Variants in RNF220 observed in about 807,000 individuals in gnomAD.
RNF220 encodes ring finger protein 220, also known as E3 ubiquitin-protein ligase RNF220.
A neutral mutation model predicts 67.1 loss-of-function variants in RNF220; 7 were observed. That is an observed-to-expected ratio of 0.10 (90% CI 0.06 to 0.20). The LOEUF is 0.20. RNF220 is among the 10% of genes least tolerant of loss of function. The pLI is 1.00. For missense variants in RNF220, 565 were observed against 740.3 expected, an observed-to-expected ratio of 0.76 and a Z score of 2.75; for synonymous variants, 270 against 283.2, an observed-to-expected ratio of 0.95 and a Z score of 0.47.
intron 2 of RNF220, among the ~76,000 whole-genome samples, chr1:44,576,418 C>A (rs562269561): frequency 2.0e-5 from 3 of 152,258 alleles, no homozygotes; most frequent in South Asian, 2.1e-4. Flanking sequence ...AGTTTGGCTG[C>A]GGGACCAGAT....
At chr1:44,463,935 GGAA>G (rs757433250) in intron 2 of RNF220, among the ~76,000 whole-genome samples, 10 of 152,200 alleles carry the variant, frequency 6.6e-5, no homozygotes, top group Non-Finnish European at 1.2e-4. Flanking sequence ...GAAGAGGAGA[GGAA>G]GAAGGTCACA....
intron 2 of RNF220, among the ~76,000 whole-genome samples, chr1:44,449,518 A>G (rs1652451236): frequency 6.6e-6 from 1 of 151,732 alleles, no homozygotes; most frequent in African/African-American, 2.4e-5. Context: ...GGCTCTGGTG[A>G]TCCACCTACC....
rs375925031 is a variant in RNF220 at position 44,411,556 on chromosome 1, G to A, written c.-117-425G>A. On this transcript the variant is annotated intron_variant, in intron 1 of 14. Coordinates refer to ENST00000361799, the MANE Select transcript of RNF220 (RefSeq NM_018150.4). ...AGAGAGGATGCATATGTGGGGAATC[G>A]TATAGGTAGAATGTGGTCTCTGAAC... Among the ~76,000 whole-genome samples the A allele has an allele frequency of 4.6e-5, 7 of 152,078 alleles. No homozygotes were observed. In the East Asian group the frequency reaches 7.7e-4, roughly 17 times the overall value.
intron 2 of RNF220, among the ~76,000 whole-genome samples, chr1:44,430,343 A>G (rs1171655428): frequency 6.6e-6 from 1 of 152,054 alleles, no homozygotes; most frequent in East Asian, 1.9e-4. Flanking sequence ...GGAAAAGGAT[A>G]TTAGGAAAAA....
chr1:44,645,299 A>G lies in RNF220; in HGVS notation c.1366+23A>G. 2 of 1,613,742 alleles carry G rather than the reference A, an allele frequency of 1.2e-6. No homozygotes were observed. On this transcript the variant is annotated intron_variant, in intron 11 of 14. Coordinates refer to ENST00000361799, the MANE Select transcript of RNF220 (RefSeq NM_018150.4). The surrounding 1 kb of genome is among the most constrained non-coding windows in gnomAD (Gnocchi z 5.0). ...ATGGTAAGTCCTGCCCCAGGTTAGGAGTAATGGGGGAGAGGGGGTATCCCT... is the reference window on the plus strand; with the variant it reads ...ATGGTAAGTCCTGCCCCAGGTTAGGGGTAATGGGGGAGAGGGGGTATCCCT...
intron 12 of RNF220, among the ~76,000 whole-genome samples, chr1:44,647,084 A>C (rs995662964): frequency 5.3e-5 from 8 of 152,166 alleles, no homozygotes; most frequent in African/African-American, 1.9e-4. Context: ...GGAGTTGGCT[A>C]TTGGCCTTCA....
rs1573046447 is a variant in RNF220 at position 44,613,509 on chromosome 1, C to T, written c.626-656C>T. On this transcript the variant is annotated intron_variant, in intron 2 of 14. Transcript: ENST00000361799. ...GTGGCTCATGCCTGTACTCCTAGCA[C>T]TTTGGGAGGCCAAGATGAGAGGATC... 3.3e-5 allele frequency among the ~76,000 whole-genome samples: 5 copies of T among 152,306 alleles called. No homozygotes were observed. In the South Asian group the frequency reaches 1.0e-3, roughly 32 times the overall value.
rs533647259 is a variant in RNF220 at position 44,407,564 on chromosome 1, G to A, written c.-118+2034G>A. Among the ~76,000 whole-genome samples the A allele has an allele frequency of 1.0e-3, 157 of 152,216 alleles. 1 individual carries two copies. The highest frequency in any genetic ancestry group is 2.1e-3 in the Admixed American group (32 of 15,298). On this transcript the variant is annotated intron_variant, in intron 1 of 14. Coordinates refer to ENST00000361799, the MANE Select transcript of RNF220 (RefSeq NM_018150.4). ...GGCAAGGCTGGGGAAGGCCGAGGAC[G>A]GGGCGGCGCCGCGTCGCGCCGCTGG...
intron 2 of RNF220, among the ~76,000 whole-genome samples, chr1:44,474,747 T>A (rs965513589): frequency 1.3e-5 from 2 of 151,806 alleles, no homozygotes; most frequent in African/African-American, 4.8e-5. Flanking sequence ...CAAAAATAAA[T>A]ATAAATATAA....
chr1:44,491,715 G>A (rs1656871115), intron 2 of RNF220, among the ~76,000 whole-genome samples: 1 of 151,780 alleles, frequency 6.6e-6, no homozygotes, highest in Non-Finnish European at 1.5e-5. Flanking sequence ...CCAGGCTGGA[G>A]TGCAGTGGCA....
At chr1:44,588,015 C>T (rs1665833656) in intron 2 of RNF220, among the ~76,000 whole-genome samples, 1 of 152,214 alleles carries the variant, frequency 6.6e-6, no homozygotes, top group Non-Finnish European at 1.5e-5. Context: ...TTGCCTACAG[C>T]TGACCCCGAG....
intron 2 of RNF220, among the ~76,000 whole-genome samples, chr1:44,539,042 G>A (rs534071443): frequency 8.6e-5 from 13 of 151,548 alleles, no homozygotes; most frequent in African/African-American, 1.7e-4. Flanking sequence ...CCAACATGGC[G>A]AAACCCCGTC....
chr1:44,412,720 G>A lies in RNF220; in HGVS notation c.623G>A (p.Arg208Lys). 1 of 1,613,218 alleles carries A rather than the reference G, an allele frequency of 6.2e-7. No homozygotes were observed. The highest frequency in any genetic ancestry group is 1.7e-5 in the Admixed American group (1 of 59,984). ...TCTAGCCCAGAGGATCGGAATGACA[G>A]ATGTAAGTACTTTGGTTCCAGCCCT... ...ASSSPEDRND[R>K]CKKKAAALFD... is the part of the protein sequence containing the mutation. Residue 208 changes from arginine to lysine, a missense_variant and splice_region_variant, in exon 2 of 15, where the codon AGA becomes AAA. Arg to Lys is a conservative substitution (Grantham distance 26). Coordinates refer to ENST00000361799, the MANE Select transcript of RNF220 (RefSeq NM_018150.4). The surrounding 1 kb of genome is among the most constrained non-coding windows in gnomAD (Gnocchi z 5.3).
At chr1:44,457,563 A>ATT (rs35009326) in intron 2 of RNF220, among the ~76,000 whole-genome samples, 32,525 of 148,844 alleles carry the variant, frequency 0.22, 3,672 homozygotes, top group Middle Eastern at 0.27. Flanking sequence ...ATAACCTTGG[A>ATT]TTTTTTTTTT....
At chr1:44,648,531 G>A (rs1644708675) in intron 12 of RNF220, 1 of 152,236 alleles carries the variant, frequency 6.6e-6, no homozygotes. Flanking sequence ...TTCCTTGAGA[G>A]AGTCCTAGCT....
In RNF220 at chr1:44,565,533, G is replaced by T. The variant is rs900288538; in HGVS notation, c.626-48632G>T. Among the ~76,000 whole-genome samples the T allele has an allele frequency of 4.7e-4, 72 of 152,288 alleles. No homozygotes were observed. The highest frequency in any genetic ancestry group is 1.7e-3 in the African/African-American group (69 of 41,554). On this transcript the variant is annotated intron_variant, in intron 2 of 14. Transcript: ENST00000361799. This position sits in a 1 kb window ranked among gnomAD's most constrained non-coding sequence, Gnocchi z 4.2. The stretch of plus-strand genomic sequence containing the variant: ...AGTGGGCCCATTCCTCAGCGCTAAT[G>T]CCCCCAGCCTAACACAATTACCCCT...
chr1:44,632,754 GT>G, intron 6 of RNF220: 1 of 345,512 alleles, frequency 2.9e-6, no homozygotes, highest in South Asian at 3.5e-5. Flanking sequence ...TTTTCTTCCA[GT>G]TTTTAATCAG....
chr1:44,542,567 G>A (rs2148226175), intron 2 of RNF220, among the ~76,000 whole-genome samples: 1 of 152,312 alleles, frequency 6.6e-6, no homozygotes, highest in South Asian at 2.1e-4. Flanking sequence ...TGTCCCCAGG[G>A]GGGAGCTAGG....
intron 2 of RNF220, among the ~76,000 whole-genome samples, chr1:44,464,916 C>A (rs1654132577): frequency 6.6e-6 from 1 of 152,214 alleles, no homozygotes; most frequent in Non-Finnish European, 1.5e-5. Context: ...GCATCCACAT[C>A]ATCATTATTG....
Sources: allele counts gnomAD v4.1 joint callset (sites outside exome capture counted in the v4.1 genomes callset), GRCh38; gene constraint gnomAD v4.1.1; non-coding constraint Gnocchi (gnomAD v3.1); transcripts MANE v1.5; gene names NCBI Gene and HGNC (gene_info 2026-07-23, HGNC 2026-07-21).